The following GMDS variants were observed in gnomAD, a reference collection of about 807,000 sequenced individuals.
GMDS encodes GDP-mannose 4,6-dehydratase.
GMDS carries 20 observed loss-of-function variants against 49.9 expected under a neutral mutation model. That is an observed-to-expected ratio of 0.40 (90% CI 0.28 to 0.58). The LOEUF (loss-of-function observed/expected upper bound fraction) is 0.58, where lower values mean the gene tolerates loss of function less well. Ranked by LOEUF, GMDS falls within the 20% of genes least tolerant of loss-of-function variation. The pLI, the probability that GMDS is intolerant of heterozygous loss-of-function variation, is 0.42. For synonymous variants in GMDS, 177 were observed against 178.6 expected, an observed-to-expected ratio of 0.99 and a Z score of 0.07; for missense variants, 362 against 481.4, an observed-to-expected ratio of 0.75 and a Z score of 2.32.
chr6:2,227,659 TG>T (rs990745174), intron 1 of GMDS, among the ~76,000 whole-genome samples: 11 of 152,186 alleles, frequency 7.2e-5, no homozygotes, highest in South Asian at 2.1e-4. Context: ...CAATTGTGGC[TG>T]GAACTATAGG....
At chr6:1,802,933 T>C (rs1770007746) in intron 7 of GMDS, among the ~76,000 whole-genome samples, 1 of 152,212 alleles carries the variant, frequency 6.6e-6, no homozygotes. Flanking sequence ...CCTTGGAAGG[T>C]AAAATGCACT....
At chr6:1,989,760 A>C (rs973705289) in intron 4 of GMDS, among the ~76,000 whole-genome samples, 8 of 152,290 alleles carry the variant, frequency 5.3e-5, no homozygotes, top group East Asian at 3.9e-4. Flanking sequence ...ACTCCTGGCT[A>C]GCTGCTCTCT....
At chr6:2,082,723 A>G (rs745944411) in intron 4 of GMDS, among the ~76,000 whole-genome samples, 1 of 152,254 alleles carries the variant, frequency 6.6e-6, no homozygotes, top group African/African-American at 2.4e-5. Flanking sequence ...GCACACTGTA[A>G]GAACATATAC....
Position 2,132,932 on chromosome 6 carries a change from T to C in GMDS, c.103-8201A>G, listed in dbSNP as rs1221404361. On this transcript the variant is annotated intron_variant, in intron 1 of 10. Coordinates refer to ENST00000380815, the MANE Select transcript of GMDS (RefSeq NM_001500.4). ...AATAAATTAACAGTGAACTTCACACTGAAATAATAACTTCTTTGCAGTAAA... is the reference window on the plus strand; with the variant it reads ...AATAAATTAACAGTGAACTTCACACCGAAATAATAACTTCTTTGCAGTAAA... Among the ~76,000 whole-genome samples, 4 of 152,310 alleles carry C rather than the reference T, an allele frequency of 2.6e-5. No homozygotes were observed. The South Asian group carries it at 6.2e-4, about 24-fold the overall frequency.
Position 1,836,110 on chromosome 6 carries a change from A to G in GMDS, c.772-93524T>C, listed in dbSNP as rs903512723. Among the ~76,000 whole-genome samples, 141 of 152,038 alleles carry G rather than the reference A, an allele frequency of 9.3e-4. No homozygotes were observed. The highest frequency in any genetic ancestry group is 3.3e-3 in the African/African-American group (135 of 41,474). On this transcript the variant is annotated intron_variant, in intron 7 of 10. Coordinates refer to ENST00000380815, the MANE Select transcript of GMDS (RefSeq NM_001500.4). This position sits in a 1 kb window ranked among gnomAD's most constrained non-coding sequence, Gnocchi z 4.2. ...TCTCGATCTCCTGATCTCGTGATCCACCCGCCTCAGCCTCCCAAAGTGCTG... is the reference window on the plus strand; with the variant it reads ...TCTCGATCTCCTGATCTCGTGATCCGCCCGCCTCAGCCTCCCAAAGTGCTG...
chr6:1,708,903 G>C (rs755924570), intron 9 of GMDS, among the ~76,000 whole-genome samples: 1 of 152,244 alleles, frequency 6.6e-6, no homozygotes, highest in Non-Finnish European at 1.5e-5. Context: ...AAAAGCCATT[G>C]TCAGGTGCTG....
At position 2,157,401 on chromosome 6, in the gene GMDS, C is replaced by A. The variant is rs142133468; in HGVS notation, c.103-32670G>T. 3.6e-3 allele frequency among the ~76,000 whole-genome samples: 546 copies of A among 152,306 alleles called. 12 individuals are homozygous for A. The highest frequency in any genetic ancestry group is 0.03 in the Admixed American group (463 of 15,292). Reference sequence around the variant, plus strand: ...GATTGCTAATTTCTGCGGTAGAATGCAAGCTATTGTCTTTGATTCATTTTA... The same window carrying A: ...GATTGCTAATTTCTGCGGTAGAATGAAAGCTATTGTCTTTGATTCATTTTA... On this transcript the variant is annotated intron_variant, in intron 1 of 10. Transcript: ENST00000380815.
chr6:1,735,527 G>A (rs1271531250), intron 8 of GMDS, among the ~76,000 whole-genome samples: 1 of 152,172 alleles, frequency 6.6e-6, no homozygotes, highest in Non-Finnish European at 1.5e-5. Flanking sequence ...AAGTGGCCAG[G>A]AGAAGCAGAC....
intron 4 of GMDS, among the ~76,000 whole-genome samples, chr6:2,087,092 C>G (rs996133221): frequency 6.6e-6 from 1 of 152,204 alleles, no homozygotes; most frequent in Admixed American, 6.5e-5. Flanking sequence ...GGCCTTTCCA[C>G]TCCCACCACA....
At chr6:1,855,886 C>A (rs1441330733) in intron 7 of GMDS, among the ~76,000 whole-genome samples, 1 of 152,196 alleles carries the variant, frequency 6.6e-6, no homozygotes, top group African/African-American at 2.4e-5. Context: ...CACACACAAA[C>A]ACACGTATGG....
At position 1,701,207 on chromosome 6, in the gene GMDS, A is replaced by G. The variant is rs192875917; in HGVS notation, c.987+25209T>C. On this transcript the variant is annotated intron_variant, in intron 9 of 10. Transcript: ENST00000380815. Reference sequence around the variant, plus strand: ...ATCAATCTGTCCGAAGGGATAAACTATATTTGTGTTAAGCTTTCATTTATA... The same window carrying G: ...ATCAATCTGTCCGAAGGGATAAACTGTATTTGTGTTAAGCTTTCATTTATA... 5.1e-4 allele frequency among the ~76,000 whole-genome samples: 77 copies of G among 152,290 alleles called. 1 individual carries two copies. The highest frequency in any genetic ancestry group is 1.4e-3 in the African/African-American group (58 of 41,548).
intron 4 of GMDS, among the ~76,000 whole-genome samples, chr6:2,034,408 A>C (rs887151058): frequency 5.3e-5 from 8 of 152,140 alleles, no homozygotes; most frequent in Non-Finnish European, 1.0e-4. Flanking sequence ...GGTAGGAGAG[A>C]AAAGGAATGT....
chr6:1,801,125 C>T (rs2113658129), intron 7 of GMDS, among the ~76,000 whole-genome samples: 1 of 152,296 alleles, frequency 6.6e-6, no homozygotes, highest in Admixed American at 6.5e-5. Flanking sequence ...CTAGAATAGC[C>T]TGCCCAGAGC....
intron 7 of GMDS, among the ~76,000 whole-genome samples, chr6:1,875,340 ACACAC>A (rs1421025186): frequency 1.8e-5 from 2 of 112,556 alleles, no homozygotes; most frequent in Non-Finnish European, 4.4e-5. Context: ...ACACACACAC[ACACAC>A]ACACACGGAC....
chr6:1,818,078 C>G (rs1210624203), intron 7 of GMDS, among the ~76,000 whole-genome samples: 3 of 152,054 alleles, frequency 2.0e-5, no homozygotes, highest in African/African-American at 7.2e-5. Flanking sequence ...GAAGACTGAA[C>G]TATGCAAATA....
intron 7 of GMDS, among the ~76,000 whole-genome samples, chr6:1,807,429 G>A (rs1325048215): frequency 2.0e-5 from 3 of 152,074 alleles, no homozygotes; most frequent in Admixed American, 6.6e-5. Flanking sequence ...TTAAGCTGAC[G>A]GATTGTTACT....
Position 1,893,377 on chromosome 6 carries a change from A to G in GMDS, c.771+36726T>C, listed in dbSNP as rs192480301. ...CCCAGCTAACTTGTATTTTTAGTAG[A>G]GACAGGGTTTCACCATGTTGGCCAG... On this transcript the variant is annotated intron_variant, in intron 7 of 10. Transcript: ENST00000380815. Among the ~76,000 whole-genome samples, 426 of 151,734 alleles carry G rather than the reference A, an allele frequency of 2.8e-3. 2 individuals carry two copies. The highest frequency in any genetic ancestry group is 9.5e-3 in the African/African-American group (395 of 41,402).
At position 2,011,965 on chromosome 6, in the gene GMDS, A is replaced by G. The variant is rs950711379; in HGVS notation, c.346-50999T>C. On this transcript the variant is annotated intron_variant, in intron 4 of 10. Coordinates refer to ENST00000380815, the MANE Select transcript of GMDS (RefSeq NM_001500.4). ...GAACAAAATCATGTCTTTTCTAGCA[A>G]TGTGTATGAAACAAGAGGCCATTAT... Among the ~76,000 whole-genome samples the G allele has an allele frequency of 4.6e-5, 7 of 152,234 alleles. No homozygotes were observed. In the South Asian group the frequency reaches 8.3e-4, roughly 18 times the overall value.
At chr6:1,743,528 AC>A (rs1286509814) in intron 7 of GMDS, among the ~76,000 whole-genome samples, 3 of 118,546 alleles carry the variant, frequency 2.5e-5, no homozygotes, top group Non-Finnish European at 5.5e-5. Flanking sequence ...GGACGACAGA[AC>A]CAGACTCCAT....
Sources: gnomAD v4.1 joint callset for allele counts (sites outside exome capture counted in the v4.1 genomes callset) on GRCh38, gnomAD v4.1.1 for gene constraint, Gnocchi (gnomAD v3.1) non-coding constraint, MANE v1.5 for transcripts, NCBI Gene and HGNC (gene_info 2026-07-23, HGNC 2026-07-21) for gene names.